Variants in WDR11 observed in about 807,000 individuals in gnomAD.
The protein encoded by WDR11 is WD repeat domain 11.
WDR11 carries 83 observed loss-of-function variants against 151.2 expected under a neutral mutation model. That is an observed-to-expected ratio of 0.55 (90% CI 0.46 to 0.66). The LOEUF is 0.66. WDR11 is among the 30% of genes least tolerant of loss of function. The pLI is 0.00. For synonymous variants in WDR11, 484 were observed against 533.1 expected (o/e 0.91, Z 1.27); for missense variants, 1,301 against 1,480.9 (o/e 0.88, Z 1.99).
intron 10 of WDR11, among the ~76,000 whole-genome samples, 162 bp downstream of exon 10, chr10:120,871,508 T>A (rs995154838): frequency 6.7e-6 from 1 of 148,712 alleles, no homozygotes; most frequent in African/African-American, 2.6e-5. Context: ...AAAAAAAAAA[T>A]TTCTGTCCTT....
intron 11 of WDR11, among the ~76,000 whole-genome samples, chr10:120,875,783 G>A (rs749360169): frequency 2.6e-5 from 4 of 151,722 alleles, no homozygotes; most frequent in Admixed American, 6.6e-5. Flanking sequence ...GGGATTACAG[G>A]CATGAGCCAC....
At chr10:120,877,125 G>A (rs1846821948) in intron 11 of WDR11, among the ~76,000 whole-genome samples, 1 of 152,054 alleles carries the variant, frequency 6.6e-6, no homozygotes, top group African/African-American at 2.4e-5. Context: ...TTTTAAGTAA[G>A]GTTTATTATC....
rs1846329265 is a variant in WDR11, at chr10:120,866,782, A to T, written c.1190+18A>T. The T allele has an allele frequency of 6.2e-7, 1 of 1,613,766 alleles. No homozygotes were observed. Among genetic ancestry groups the T allele is most frequent in the South Asian group, 1.1e-5 (1 of 90,940 alleles). ...CGGAACAGGTAAATGAATCAACAGGATCATGGTTTTGTTTTTTGTTTCCTG... is the reference window on the plus strand; with the variant it reads ...CGGAACAGGTAAATGAATCAACAGGTTCATGGTTTTGTTTTTTGTTTCCTG... On this transcript the variant is annotated intron_variant, in intron 8 of 28. Transcript: ENST00000263461.
chr10:120,908,908 C>T lies in WDR11; in HGVS notation c.*195C>T. On this transcript the variant is annotated 3_prime_UTR_variant, in exon 29 of 29. Coordinates refer to ENST00000263461, the MANE Select transcript of WDR11 (RefSeq NM_018117.12). The stretch of plus-strand genomic sequence containing the variant: ...GAGTAAGTTTGTATCCTGCGTTGGT[C>T]TCAGAAAGAACGTGAATGCTTAAGA... 1 of 626,582 alleles carries T rather than the reference C, an allele frequency of 1.6e-6. No homozygotes were observed. Among genetic ancestry groups the T allele is most frequent in the Admixed American group, 2.7e-5 (1 of 36,530 alleles). The allele number at this position is 626,582 out of a possible 1,614,324, so 38.8% of individuals were successfully genotyped here. A position where few individuals can be genotyped will look rare whatever the true frequency, so the allele number is the denominator to read the frequency against.
intron 9 of WDR11, among the ~76,000 whole-genome samples, chr10:120,869,105 GGTTTTTTTTT>G (rs1238242671): frequency 1.4e-5 from 1 of 71,634 alleles, no homozygotes; most frequent in Non-Finnish European, 3.3e-5. Context: ...ATAAATTACA[GGTTTTTTTTT>G]TTTTTTTTTT....
chr10:120,888,883 A>T (rs1458664791), intron 16 of WDR11, among the ~76,000 whole-genome samples, 195 bp from the exon 17 acceptor site: 2 of 152,132 alleles, frequency 1.3e-5, no homozygotes, highest in Admixed American at 6.6e-5. Flanking sequence ...TATGAAGTTG[A>T]AATCTCCTAT....
chr10:120,898,044 G>A (rs1383721422), intron 19 of WDR11, among the ~76,000 whole-genome samples: 2 of 152,188 alleles, frequency 1.3e-5, no homozygotes, highest in Non-Finnish European at 2.9e-5. Flanking sequence ...CATAATGTGA[G>A]CCACATAGGT....
At chr10:120,897,051 G>A (rs1027874911) in intron 19 of WDR11, among the ~76,000 whole-genome samples, 1 of 152,184 alleles carries the variant, frequency 6.6e-6, no homozygotes, top group Non-Finnish European at 1.5e-5. Context: ...CAGAATTCAA[G>A]TAAGGAATTG....
At chr10:120,865,970 T>G (rs1846297686) in intron 7 of WDR11, among the ~76,000 whole-genome samples, 1 of 152,142 alleles carries the variant, frequency 6.6e-6, no homozygotes. Context: ...AATTTTGTGT[T>G]TCTTGATCAT....
At position 120,886,342 on chromosome 10, in the gene WDR11, C is replaced by A. The variant is rs576349948; in HGVS notation, c.1974-347C>A. Among the ~76,000 whole-genome samples, 5 of 152,202 alleles carry A rather than the reference C, an allele frequency of 3.3e-5. No individual in the cohort carries two copies. In the East Asian group the frequency reaches 9.7e-4, roughly 29 times the overall value. On this transcript the variant is annotated intron_variant, in intron 15 of 28. Coordinates refer to ENST00000263461, the MANE Select transcript of WDR11 (RefSeq NM_018117.12). ...AATTTGTGTATCATCCCCATCCATACCAATCTTACAGATAAAAGGCTTCAG... is the reference window on the plus strand; with the variant it reads ...AATTTGTGTATCATCCCCATCCATAACAATCTTACAGATAAAAGGCTTCAG...
At chr10:120,884,927 A>G (rs2133783006) in intron 14 of WDR11, 1 of 152,364 alleles carries the variant, frequency 6.6e-6, no homozygotes, top group South Asian at 2.1e-4. Context: ...AAAACTGGAC[A>G]GCCATATAGT....
chr10:120,862,860 G>A lies in WDR11; in HGVS notation c.652G>A (p.Ala218Thr). 1 of 1,614,028 alleles carries A rather than the reference G, an allele frequency of 6.2e-7. No individual in the cohort carries two copies. The highest frequency in any genetic ancestry group is 1.1e-5 in the South Asian group (1 of 91,080). The change falls in exon 5 of 29, where the codon GCC becomes ACC. Residue 218 changes from alanine to threonine, a missense_variant. Physicochemically the swap from Ala to Thr is moderately conservative, Grantham distance 58. Transcript: ENST00000263461. ...SSPAHNKLAT[A>T]TGAKKALNKV... is the part of the protein sequence containing the mutation. ...CCCAGCTCATAACAAGCTGGCCACA[G>A]CCACAGGTGCCAAGAAAGCTCTAAA... is the stretch of plus-strand genomic sequence containing the variant.
Position 120,858,669 on chromosome 10 carries a change from C to T in WDR11, c.225C>T (p.His75=), listed in dbSNP as rs1027691951. 1.2e-6 allele frequency: 2 copies of T among 1,614,054 alleles called. No homozygotes were observed. Among genetic ancestry groups the T allele is most frequent in the East Asian group, 2.2e-5 (1 of 44,880 alleles). ...VKVKWARENY[H]HNIGSPYCLR... Reference sequence around the variant, plus strand: ...TTAAATGGGCCAGGGAAAACTATCACCATAACATTGGCTCACCATATTGCT... The same window carrying T: ...TTAAATGGGCCAGGGAAAACTATCATCATAACATTGGCTCACCATATTGCT... Residue 75 remains histidine, a synonymous_variant, in exon 3 of 29, where the codon CAC becomes CAT. Transcript: ENST00000263461.
intron 10 of WDR11, among the ~76,000 whole-genome samples, chr10:120,872,689 A>G (rs1364403936): frequency 6.6e-6 from 1 of 152,178 alleles, no homozygotes; most frequent in Non-Finnish European, 1.5e-5. Context: ...AGCATTGTTA[A>G]AACTTTCAGA....
At chr10:120,883,741 T>G in intron 13 of WDR11, 39 bp from the exon 14 acceptor site, 1 of 1,584,718 alleles carries the variant, frequency 6.3e-7, no homozygotes, top group Non-Finnish European at 8.7e-7. Flanking sequence ...GTGAAATTTT[T>G]GCAAAAAGGG....
intron 1 of WDR11, 72 bp downstream of exon 1, chr10:120,851,578 G>T: frequency 1.9e-6 from 3 of 1,550,974 alleles, no homozygotes; most frequent in Non-Finnish European, 2.6e-6. Flanking sequence ...AAGGACAAGA[G>T]GTTTCACCCC....
At chr10:120,889,491 C>T (rs1047751487) in intron 17 of WDR11, 8 of 392,768 alleles carry the variant, frequency 2.0e-5, no homozygotes, top group African/African-American at 6.2e-5. Flanking sequence ...CCGCCCACCT[C>T]GGCCTCCCAA....
chr10:120,896,866 TCA>T (rs1233742488), intron 19 of WDR11, among the ~76,000 whole-genome samples: 1 of 152,148 alleles, frequency 6.6e-6, no homozygotes. Context: ...CTGGCTCTGC[TCA>T]CAGAGAGTTT....
rs755674271 is a variant in WDR11, at chr10:120,865,716, C to G, written c.966C>G (p.Asn322Lys). 2 of 1,608,058 alleles carry G rather than the reference C, an allele frequency of 1.2e-6. No homozygotes were observed. Among genetic ancestry groups the G allele is most frequent in the Admixed American group, 1.7e-5 (1 of 59,956 alleles). Reference protein sequence around the residue: ...ITLRVRRSYNNIFTTSNEEPD... With the variant: ...ITLRVRRSYNKIFTTSNEEPD... ...TACGTGTTCGAAGATCTTATAATAA[C>G]ATTTTTACCACTTCAAATGAGGAAC... The change falls in exon 7 of 29, where the codon AAC becomes AAG. Residue 322 changes from asparagine to lysine, a missense_variant. Coordinates refer to ENST00000263461, the MANE Select transcript of WDR11 (RefSeq NM_018117.12).
Sources: gnomAD v4.1 joint callset for allele counts (sites outside exome capture counted in the v4.1 genomes callset) on GRCh38, gnomAD v4.1.1 for gene constraint, MANE v1.5 for transcripts, NCBI Gene and HGNC (gene_info 2026-07-23, HGNC 2026-07-21) for gene names.